The following SREK1IP1 variants were observed in gnomAD, a reference collection of about 807,000 sequenced individuals.
SREK1IP1 encodes protein SREK1IP1.
Under a neutral mutation model 22.8 loss-of-function variants are expected in SREK1IP1, and 12 were observed. The observed-to-expected ratio is 0.53, with a 90% CI of 0.34 to 0.85. SREK1IP1 has a LOEUF of 0.85. SREK1IP1 is among the 40% of genes least tolerant of loss of function. The pLI is 0.02. For synonymous variants in SREK1IP1, 53 were observed against 52.7 expected, an observed-to-expected ratio of 1.01 and a Z score of -0.02; for missense variants, 147 against 171.8, an observed-to-expected ratio of 0.86 and a Z score of 0.81.
chr5:64,750,495 G>A (rs1742722986), intron 2 of SREK1IP1, among the ~76,000 whole-genome samples: 1 of 152,032 alleles, frequency 6.6e-6, no homozygotes, highest in Non-Finnish European at 1.5e-5. Flanking sequence ...CCACCTCACA[G>A]AGTAGTCAGG....
intron 2 of SREK1IP1, among the ~76,000 whole-genome samples, chr5:64,750,773 T>G (rs1444176519): frequency 6.6e-6 from 1 of 152,216 alleles, no homozygotes; most frequent in Non-Finnish European, 1.5e-5. Flanking sequence ...TCATCTAGTT[T>G]CTTCCAAACT....
chr5:64,761,847 T>G (rs560190720), intron 1 of SREK1IP1, among the ~76,000 whole-genome samples: 1 of 152,092 alleles, frequency 6.6e-6, no homozygotes, highest in African/African-American at 2.4e-5. Flanking sequence ...TTTTAAAACA[T>G]GTAAATTATG....
chr5:64,759,022 G>A (rs1742899270), intron 1 of SREK1IP1, among the ~76,000 whole-genome samples: 1 of 152,182 alleles, frequency 6.6e-6, no homozygotes, highest in South Asian at 2.1e-4. Context: ...ATAGATCTGA[G>A]GCAAGTGACA....
At chr5:64,725,466 A>T (rs1367674991) in intron 4 of SREK1IP1, among the ~76,000 whole-genome samples, 1 of 152,208 alleles carries the variant, frequency 6.6e-6, no homozygotes, top group Non-Finnish European at 1.5e-5. Flanking sequence ...GTTAAAACTC[A>T]AACTAAGAAA....
chr5:64,768,520 C>A lies in SREK1IP1; in HGVS notation c.-3G>T. 6.2e-7 allele frequency: 1 copy of A among 1,614,120 alleles called. No homozygotes were observed. The highest frequency in any genetic ancestry group is 8.5e-7 in the Non-Finnish European group (1 of 1,180,000). On this transcript the variant is annotated 5_prime_UTR_variant, in exon 1 of 5. Coordinates refer to ENST00000513458, the MANE Select transcript of SREK1IP1 (RefSeq NM_173829.4). ...TGCTCCTTACCTGGGACTGCCATGA[C>A]GGTGGTAAGAGGGGTAACTCGAGCC... is the stretch of plus-strand genomic sequence containing the variant.
rs2112082583 is a variant in SREK1IP1, at chr5:64,723,448, TAAA to T, written c.*933_*935del. 1 of 152,596 alleles carries T rather than the reference TAAA, an allele frequency of 6.6e-6. No homozygotes were observed. The highest frequency in any genetic ancestry group is 1.9e-4 in the East Asian group (1 of 5,196). 9.5% of individuals were successfully genotyped at this position (152,596 alleles called of 1,614,324 possible). ...AAATAAATATATATGCTCACATTTA[TAAA>T]ATTTTCCACAGTACTCATAGAAACA... On this transcript the variant is annotated 3_prime_UTR_variant, in exon 5 of 5. Transcript: ENST00000513458.
intron 3 of SREK1IP1, 40 bp from the exon 4 acceptor site, chr5:64,728,219 T>C: frequency 7.6e-7 from 1 of 1,322,008 alleles, no homozygotes. Context: ...CTGGTTAATA[T>C]ATGATTCTAT....
intron 2 of SREK1IP1, among the ~76,000 whole-genome samples, chr5:64,743,686 C>G (rs1408520579): frequency 6.6e-6 from 1 of 152,074 alleles, no homozygotes. Flanking sequence ...GTCAATTTCT[C>G]CTTGTAACAC....
intron 4 of SREK1IP1, chr5:64,727,530 C>CATATATATATATATATATAT (rs370322604): frequency 1.0e-4 from 12 of 117,448 alleles, no homozygotes; most frequent in African/African-American, 4.8e-4. Context: ...CATATAATTA[C>CATATATATATATATATATAT]ATATATATAT....
chr5:64,763,591 G>A (rs1215956924), intron 1 of SREK1IP1, among the ~76,000 whole-genome samples: 3 of 152,038 alleles, frequency 2.0e-5, no homozygotes, highest in Non-Finnish European at 4.4e-5. Context: ...ATTTGTTTAA[G>A]AAGAGACAGA....
In SREK1IP1 at chr5:64,749,847, C is replaced by G. The variant is rs551675762; in HGVS notation, c.61+4468G>C. On this transcript the variant is annotated intron_variant, in intron 2 of 4. Coordinates refer to ENST00000513458, the MANE Select transcript of SREK1IP1 (RefSeq NM_173829.4). Reference sequence around the variant, plus strand: ...TTTCGATAGATTCTTAAACATGTAACTGTCCTATGCGCTCACATAGTGTTG... The same window carrying G: ...TTTCGATAGATTCTTAAACATGTAAGTGTCCTATGCGCTCACATAGTGTTG... Among the ~76,000 whole-genome samples, 24 of 152,296 alleles carry G rather than the reference C, an allele frequency of 1.6e-4. No individual in the cohort carries two copies. The South Asian group carries it at 4.8e-3, about 30-fold the overall frequency.
chr5:64,736,433 A>T (rs1175269707), intron 3 of SREK1IP1, among the ~76,000 whole-genome samples: 1 of 151,724 alleles, frequency 6.6e-6, no homozygotes, highest in Non-Finnish European at 1.5e-5. Context: ...TTTGTTTCAG[A>T]TATTTGTTAG....
At chr5:64,754,271 C>G in intron 2 of SREK1IP1, 44 bp downstream of exon 2, 1 of 1,590,882 alleles carries the variant, frequency 6.3e-7, no homozygotes, top group Non-Finnish European at 8.6e-7. Context: ...GGCCATGATT[C>G]CAGTATGAAT....
At position 64,741,119 on chromosome 5, in the gene SREK1IP1, C is replaced by G. The variant is rs1422479917; in HGVS notation, c.143G>C (p.Ser48Thr). The stretch of plus-strand genomic sequence containing the variant: ...ATTCTCTTCATCGCTATCTTCACTA[C>G]TTGTACTGCTGACATCCAAAACTAT... ...RDIVLDVSST[S>T]SEDSDEENEE... Residue 48 changes from serine (S) to threonine (T), a missense_variant, in exon 3 of 5, where the codon AGT (serine) becomes ACT (threonine). Coordinates refer to ENST00000513458, the MANE Select transcript of SREK1IP1 (RefSeq NM_173829.4). 6.2e-7 allele frequency: 1 copy of G among 1,613,046 alleles called. No individual in the cohort carries two copies. The highest frequency in any genetic ancestry group is 1.7e-5 in the Admixed American group (1 of 59,884).
intron 1 of SREK1IP1, chr5:64,765,192 T>C (rs1743014924): frequency 6.6e-6 from 1 of 152,226 alleles, no homozygotes; most frequent in South Asian, 2.1e-4. Flanking sequence ...ATATTATTTC[T>C]ATAATAACAA....
intron 2 of SREK1IP1, among the ~76,000 whole-genome samples, chr5:64,742,887 C>T (rs1490976029): frequency 1.3e-5 from 2 of 152,050 alleles, no homozygotes; most frequent in African/African-American, 4.8e-5. Context: ...GTCTAGTCTG[C>T]CATATTATTG....
chr5:64,748,848 G>C (rs531310598), intron 2 of SREK1IP1, among the ~76,000 whole-genome samples: 8 of 152,212 alleles, frequency 5.3e-5, no homozygotes, highest in African/African-American at 1.9e-4. Flanking sequence ...TCGGGTGCCA[G>C]AACCACTTGT....
rs529657999 is a variant in SREK1IP1 at position 64,722,007 on chromosome 5, T to C, written c.*2377A>G. 2.0e-5 allele frequency: 3 copies of C among 152,184 alleles called. No homozygotes were observed. The highest frequency in any genetic ancestry group is 4.4e-5 in the Non-Finnish European group (3 of 68,026). The allele number at this position is 152,184 out of a possible 1,614,324, so 9.4% of individuals were successfully genotyped here. The stretch of plus-strand genomic sequence containing the variant: ...TGACCAGGACTGTTTTACTGCTAAA[T>C]TCAGTTTTCCTTCTGGTACATACTG... On this transcript the variant is annotated 3_prime_UTR_variant, in exon 5 of 5. Coordinates refer to ENST00000513458, the MANE Select transcript of SREK1IP1 (RefSeq NM_173829.4).
chr5:64,768,483 A>G, intron 1 of SREK1IP1, 22 bp downstream of exon 1: 4 of 1,614,110 alleles, frequency 2.5e-6, no homozygotes, highest in Non-Finnish European at 3.4e-6. Flanking sequence ...TCGGACGCAG[A>G]GGCCCTGTAA....
Sources: allele counts gnomAD v4.1 joint callset (sites outside exome capture counted in the v4.1 genomes callset), GRCh38; gene constraint gnomAD v4.1.1; transcripts MANE v1.5; gene names NCBI Gene and HGNC (gene_info 2026-07-23, HGNC 2026-07-21).